Variants in C4orf46 observed in about 807,000 individuals in gnomAD.
C4orf46 encodes the protein chromosome 4 open reading frame 46, also known as renal cancer differentiation gene 1 protein.
In C4orf46, 8 loss-of-function variants were observed where a neutral mutation model predicts 9.1. The ratio of observed to expected loss-of-function variants is 0.88; its 90% confidence interval spans 0.52 to 1.59. The LOEUF (loss-of-function observed/expected upper bound fraction) is 1.59, where lower values mean the gene tolerates loss of function less well. C4orf46 is among the 40% of genes most tolerant of loss of function. The probability of loss-of-function intolerance (pLI) is 0.00; values close to 1 mark genes in which losing one functional copy is unlikely to be tolerated. For synonymous variants in C4orf46, 51 were observed against 58.8 expected, an observed-to-expected ratio of 0.87 and a Z score of 0.61; for missense variants, 151 against 139.1, an observed-to-expected ratio of 1.09 and a Z score of -0.43.
At position 158,668,446 on chromosome 4, in the gene C4orf46, A is replaced by C. The variant is rs1205525848; in HGVS notation, c.*1167T>G. On this transcript the variant is annotated 3_prime_UTR_variant, in exon 2 of 2. Transcript: ENST00000379205. Reference sequence around the variant, plus strand: ...TCTCATAGCCCCATTGTGGGGCATTAGAATATAGTTCTGTACCTATCTCCA... The same window carrying C: ...TCTCATAGCCCCATTGTGGGGCATTCGAATATAGTTCTGTACCTATCTCCA... The C allele has an allele frequency of 6.5e-6, 1 of 152,672 alleles. No individual in the cohort carries two copies. The highest frequency in any genetic ancestry group is 1.5e-5 in the Non-Finnish European group (1 of 68,028). 9.5% of individuals were successfully genotyped at this position (152,672 alleles called of 1,614,324 possible). A position where few individuals can be genotyped will look rare whatever the true frequency, so the allele number is the denominator to read the frequency against.
rs1773385148 is a variant in C4orf46, at chr4:158,666,754, A to G, written c.*2859T>C. The G allele has an allele frequency of 6.6e-6, 1 of 152,256 alleles. No individual in the cohort carries two copies. The allele number at this position is 152,256 out of a possible 1,614,324, so 9.4% of individuals were successfully genotyped here. A position where few individuals can be genotyped will look rare whatever the true frequency, so the allele number is the denominator to read the frequency against. On this transcript the variant is annotated 3_prime_UTR_variant, in exon 2 of 2. Transcript: ENST00000379205. ...GAGAAAACTCAATGAAAAGGTAAAC[A>G]CAAGTAGTGGCTTACAACTCTGGAC...
chr4:158,669,533 A>G lies in C4orf46; in HGVS notation c.*80T>C. 3 of 1,406,092 alleles carry G rather than the reference A, an allele frequency of 2.1e-6. No homozygotes were observed. The highest frequency in any genetic ancestry group is 3.0e-6 in the Non-Finnish European group (3 of 1,009,050). The allele number at this position is 1,406,092 out of a possible 1,614,324, so 87.1% of individuals were successfully genotyped here. A position where few individuals can be genotyped will look rare whatever the true frequency, so the allele number is the denominator to read the frequency against. ...AGAACTGCTGGACAGAGGTCATCCT[A>G]TATGTGTGGTACATGTACAAAATAT... On this transcript the variant is annotated 3_prime_UTR_variant, in exon 2 of 2. Transcript: ENST00000379205.
rs548619249 is a variant in C4orf46 at position 158,666,747 on chromosome 4, G to T, written c.*2866C>A. ...CACACAGGAGAAAACTCAATGAAAA[G>T]GTAAACACAAGTAGTGGCTTACAAC... On this transcript the variant is annotated 3_prime_UTR_variant, in exon 2 of 2. Coordinates refer to ENST00000379205, the MANE Select transcript of C4orf46 (RefSeq NM_001008393.4). The T allele has an allele frequency of 6.6e-6, 1 of 152,118 alleles. No homozygotes were observed. 9.4% of individuals were successfully genotyped at this position (152,118 alleles called of 1,614,324 possible).
intron 1 of C4orf46, among the ~76,000 whole-genome samples, chr4:158,670,190 A>G (rs1376228249): frequency 1.3e-5 from 2 of 151,684 alleles, no homozygotes; most frequent in African/African-American, 4.8e-5. Context: ...CGCACAGCTA[A>G]TTTTGTATTT....
chr4:158,671,525 T>TG (rs1773546295), intron 1 of C4orf46, 91 bp downstream of exon 1: 2 of 1,318,134 alleles, frequency 1.5e-6, no homozygotes, highest in South Asian at 1.6e-5. Context: ...TCATGGGGGT[T>TG]GGGGGACCGA....
At chr4:158,670,536 TA>T (rs1007812832) in intron 1 of C4orf46, among the ~76,000 whole-genome samples, 4 of 152,082 alleles carry the variant, frequency 2.6e-5, no homozygotes, top group African/African-American at 9.7e-5. Flanking sequence ...CAAATAACAT[TA>T]AAAAATCACA....
Position 158,669,368 on chromosome 4 carries a change from T to G in C4orf46, c.*245A>C. The G allele has an allele frequency of 2.8e-6, 1 of 353,044 alleles. No homozygotes were observed. Among genetic ancestry groups the G allele is most frequent in the Non-Finnish European group, 5.1e-6 (1 of 194,178 alleles). 21.9% of individuals were successfully genotyped at this position (353,044 alleles called of 1,614,324 possible). A position where few individuals can be genotyped will look rare whatever the true frequency, so the allele number is the denominator to read the frequency against. On this transcript the variant is annotated 3_prime_UTR_variant, in exon 2 of 2. Transcript: ENST00000379205. ...TAACCGTCTATTGATGAAGTTAACT[T>G]TCATAAAGGATTCTATGAAAGTTCA...
Position 158,671,614 on chromosome 4 carries a change from A to T in C4orf46, c.186+2T>A. ...GGGACGCGGTCCCGACACCACACTC[A>T]CGTCTCCGATCTGCAGCTCCACTTC... On this transcript the variant is annotated splice_donor_variant, in intron 1 of 1. Coordinates refer to ENST00000379205, the MANE Select transcript of C4orf46 (RefSeq NM_001008393.4). LOFTEE classifies it high-confidence loss of function. 1 of 1,544,100 alleles carries T rather than the reference A, an allele frequency of 6.5e-7. No individual in the cohort carries two copies. Among genetic ancestry groups the T allele is most frequent in the East Asian group, 2.4e-5 (1 of 41,380 alleles).
rs1200481275 is a variant in C4orf46, at chr4:158,669,056, G to GA, written c.*556dup. ...ACAGTCTTCATGCTAAATATAGGAA[G>GA]AAAAAAAGCTTTCAATTATGTTTGT... On this transcript the variant is annotated 3_prime_UTR_variant, in exon 2 of 2. Transcript: ENST00000379205. 1 of 151,926 alleles carries GA rather than the reference G, an allele frequency of 6.6e-6. No homozygotes were observed. The highest frequency in any genetic ancestry group is 1.5e-5 in the Non-Finnish European group (1 of 68,006). The allele number at this position is 151,926 out of a possible 1,614,324, so 9.4% of individuals were successfully genotyped here.
At chr4:158,670,727 TC>T (rs1325948689) in intron 1 of C4orf46, among the ~76,000 whole-genome samples, 3 of 152,128 alleles carry the variant, frequency 2.0e-5, no homozygotes, top group African/African-American at 7.2e-5. Flanking sequence ...ACTCTAGTCA[TC>T]CTTAAAAAAA....
chr4:158,669,001 C>A lies in C4orf46; in HGVS notation c.*612G>T, dbSNP rs1038441142. On this transcript the variant is annotated 3_prime_UTR_variant, in exon 2 of 2. Coordinates refer to ENST00000379205, the MANE Select transcript of C4orf46 (RefSeq NM_001008393.4). ...TGTTTTTCTTCAAGTCAAAAAAGTT[C>A]AGATTCATACATTTCCTAGAGAAAC... 11 of 152,276 alleles carry A rather than the reference C, an allele frequency of 7.2e-5. No individual in the cohort carries two copies. In the South Asian group the frequency reaches 1.9e-3, roughly 26 times the overall value. The allele number at this position is 152,276 out of a possible 1,614,324, so 9.4% of individuals were successfully genotyped here.
rs1014702864 is a variant in C4orf46, at chr4:158,667,725, G to C, written c.*1888C>G. The C allele has an allele frequency of 2.7e-5, 4 of 150,708 alleles. No homozygotes were observed. Among genetic ancestry groups the C allele is most frequent in the Admixed American group, 6.6e-5 (1 of 15,136 alleles). The allele number at this position is 150,708 out of a possible 1,614,324, so 9.3% of individuals were successfully genotyped here. On this transcript the variant is annotated 3_prime_UTR_variant, in exon 2 of 2. Transcript: ENST00000379205. Reference sequence around the variant, plus strand: ...CTTAAAAAAAAAAAAAAGAGTAAAAGATATGGCCTCAGAAATCACACACTG... The same window carrying C: ...CTTAAAAAAAAAAAAAAGAGTAAAACATATGGCCTCAGAAATCACACACTG...
chr4:158,670,908 TGA>T (rs150535439), intron 1 of C4orf46, among the ~76,000 whole-genome samples: 1,741 of 152,222 alleles, frequency 0.011, 25 homozygotes, highest in African/African-American at 0.037. Context: ...CAGTGGTGTG[TGA>T]GTTACGGTTG....
chr4:158,670,023 C>CTTTTTTTTTTT (rs767110704), intron 1 of C4orf46, among the ~76,000 whole-genome samples: 2 of 17,676 alleles, frequency 1.1e-4, no homozygotes, highest in African/African-American at 2.2e-4. Flanking sequence ...TAGTTGTTTT[C>CTTTTTTTTTTT]TTTTTTTTTT....
chr4:158,670,107 T>G (rs1773488541), intron 1 of C4orf46, among the ~76,000 whole-genome samples: 1 of 135,304 alleles, frequency 7.4e-6, no homozygotes, highest in African/African-American at 2.7e-5. Flanking sequence ...CACTGCAACC[T>G]CCGCCTCCCG....
Position 158,667,943 on chromosome 4 carries a change from T to C in C4orf46, c.*1670A>G, listed in dbSNP as rs1014301081. 1 of 152,128 alleles carries C rather than the reference T, an allele frequency of 6.6e-6. No homozygotes were observed. Among genetic ancestry groups the C allele is most frequent in the Non-Finnish European group, 1.5e-5 (1 of 68,018 alleles). 9.4% of individuals were successfully genotyped at this position (152,128 alleles called of 1,614,324 possible). ...ATTAAAAATATAAAAACACATGCTA[T>C]ATTATGCCCCCTCTAGTGGTTACCT... On this transcript the variant is annotated 3_prime_UTR_variant, in exon 2 of 2. Coordinates refer to ENST00000379205, the MANE Select transcript of C4orf46 (RefSeq NM_001008393.4).
intron 1 of C4orf46, among the ~76,000 whole-genome samples, chr4:158,670,629 AAC>A (rs1332511585): frequency 1.3e-5 from 2 of 152,228 alleles, no homozygotes; most frequent in East Asian, 3.8e-4. Context: ...TATAAAATAA[AAC>A]AGTGTTCCTC....
intron 1 of C4orf46, 101 bp from the exon 2 acceptor site, chr4:158,669,869 T>C (rs954161777): frequency 4.2e-6 from 4 of 954,118 alleles, no homozygotes; most frequent in Non-Finnish European, 6.2e-6. Context: ...ATGCCCATGT[T>C]ATTTTCTTTC....
Position 158,671,750 on chromosome 4 carries a change from A to G in C4orf46, c.52T>C (p.Ser18Pro). ...GAGGCGTCTGAAGAGGAGGGAGAAG[A>G]GGGAGGCGGCGGGGGCGGCGAAGAA... ...QVSSPPPPPP[S>P]SPSSSDASAA... Residue 18 changes from serine to proline, a missense_variant, in exon 1 of 2, where the codon TCT (serine) becomes CCT (proline). By Grantham distance (74) the Ser-to-Pro change is moderately conservative. Transcript: ENST00000379205. 1 of 1,578,376 alleles carries G rather than the reference A, an allele frequency of 6.3e-7. No individual in the cohort carries two copies. The highest frequency in any genetic ancestry group is 8.6e-7 in the Non-Finnish European group (1 of 1,162,432).
Sources: allele counts gnomAD v4.1 joint callset (sites outside exome capture counted in the v4.1 genomes callset), GRCh38; gene constraint gnomAD v4.1.1; transcripts MANE v1.5; gene names NCBI Gene and HGNC (gene_info 2026-07-23, HGNC 2026-07-21).